Variants in MEIKIN observed in about 807,000 individuals in gnomAD.
The protein encoded by MEIKIN is meiotic kinetochore factor.
At chr5:131,813,095 A>C (rs1773026586) in intron 12 of MEIKIN, among the ~76,000 whole-genome samples, 1 of 152,226 alleles carries the variant, frequency 6.6e-6, no homozygotes, top group South Asian at 2.1e-4. Flanking sequence ...CCCTGAAGTC[A>C]TAAGTAAGTA....
chr5:131,850,307 G>A (rs1434774356), intron 11 of MEIKIN, among the ~76,000 whole-genome samples: 2 of 152,104 alleles, frequency 1.3e-5, no homozygotes, highest in Non-Finnish European at 2.9e-5. Context: ...CCCCAATGAT[G>A]TTTATTGCAG....
chr5:131,933,477 T>C (rs764236916), intron 5 of MEIKIN, 36 bp downstream of exon 5: 48 of 396,860 alleles, frequency 1.2e-4, no homozygotes, highest in Middle Eastern at 1.3e-3. Context: ...ATAATTTCTA[T>C]AGTAGAGCAA....
At chr5:131,830,229 T>TAA (rs377310057) in intron 11 of MEIKIN, among the ~76,000 whole-genome samples, 1 of 147,344 alleles carries the variant, frequency 6.8e-6, no homozygotes, top group African/African-American at 2.5e-5. Flanking sequence ...ATCTCTACAA[T>TAA]AAAAAAAAAA....
In MEIKIN at chr5:131,945,418, T is replaced by C; in HGVS notation, c.88A>G (p.Lys30Glu). The C allele has an allele frequency of 2.5e-6, 1 of 399,232 alleles. No individual in the cohort carries two copies. 24.7% of individuals were successfully genotyped at this position (399,232 alleles called of 1,614,324 possible). A position where few individuals can be genotyped will look rare whatever the true frequency, so the allele number is the denominator to read the frequency against. Reference sequence around the variant, plus strand: ...CCTGTACCTGGCGGGGCCTCGGCCTTCGCTGGAGAGCCTAGGTCTGGCGTC... The same window carrying C: ...CCTGTACCTGGCGGGGCCTCGGCCTCCGCTGGAGAGCCTAGGTCTGGCGTC... ...TPTPDLGSPA[K>E]AEAPPGSKRK... Residue 30 changes from lysine (K) to glutamate (E), a missense_variant, in exon 1 of 13, where the codon AAG becomes GAG. Physicochemically the swap from Lys to Glu is moderately conservative, Grantham distance 56 (BLOSUM62 1). Coordinates refer to ENST00000442687, the MANE Select transcript of MEIKIN (RefSeq NM_001303622.2).
At chr5:131,857,971 T>C (rs1232329659) in intron 9 of MEIKIN, among the ~76,000 whole-genome samples, 1 of 152,240 alleles carries the variant, frequency 6.6e-6, no homozygotes, top group Non-Finnish European at 1.5e-5. Flanking sequence ...CCACCACTGC[T>C]GCTGCTGCCA....
chr5:131,819,976 C>T (rs1174621287), intron 11 of MEIKIN, among the ~76,000 whole-genome samples: 2 of 147,822 alleles, frequency 1.4e-5, no homozygotes, highest in Non-Finnish European at 3.0e-5. Context: ...GGGGTTTCAC[C>T]GTTTTAGCCG....
At chr5:131,859,371 A>T (rs760769871) in intron 9 of MEIKIN, among the ~76,000 whole-genome samples, 1 of 152,142 alleles carries the variant, frequency 6.6e-6, no homozygotes, top group Non-Finnish European at 1.5e-5. Flanking sequence ...GAAATCCCCA[A>T]TGATGGAGGT....
intron 8 of MEIKIN, among the ~76,000 whole-genome samples, chr5:131,880,555 T>C (rs569719132): frequency 6.6e-6 from 1 of 152,372 alleles, no homozygotes; most frequent in African/African-American, 2.4e-5. Flanking sequence ...CTTTTCTTTA[T>C]TCTTAGCAAT....
chr5:131,868,682 C>T (rs1750432518), intron 9 of MEIKIN, among the ~76,000 whole-genome samples: 1 of 151,342 alleles, frequency 6.6e-6, no homozygotes, highest in Non-Finnish European at 1.5e-5. Flanking sequence ...ATGCGATCCT[C>T]CCATCTCAGC....
At chr5:131,882,344 A>C (rs1750714071) in intron 8 of MEIKIN, among the ~76,000 whole-genome samples, 1 of 152,198 alleles carries the variant, frequency 6.6e-6, no homozygotes. Flanking sequence ...CCACAGATGC[A>C]CTGGACCCAG....
chr5:131,875,036 C>G (rs544086696), intron 9 of MEIKIN, among the ~76,000 whole-genome samples: 2 of 89,486 alleles, frequency 2.2e-5, no homozygotes, highest in East Asian at 3.9e-4. Context: ...CAGCCAATAT[C>G]ATACTGAATG....
intron 12 of MEIKIN, among the ~76,000 whole-genome samples, chr5:131,817,298 T>C (rs987196559): frequency 6.6e-6 from 1 of 152,040 alleles, no homozygotes; most frequent in African/African-American, 2.4e-5. Context: ...CATAACCACA[T>C]TAGCCAATTT....
intron 4 of MEIKIN, among the ~76,000 whole-genome samples, chr5:131,939,049 G>A (rs886177384): frequency 6.6e-6 from 1 of 152,148 alleles, no homozygotes. Flanking sequence ...TGCATAAGGG[G>A]TCTGGGGATT....
chr5:131,859,786 T>C (rs536252729), intron 9 of MEIKIN, among the ~76,000 whole-genome samples: 3 of 152,202 alleles, frequency 2.0e-5, no homozygotes, highest in South Asian at 4.1e-4. Context: ...TCCAGTTTTC[T>C]GAGCATCGTT....
intron 11 of MEIKIN, among the ~76,000 whole-genome samples, chr5:131,829,016 T>C (rs1055586543): frequency 6.6e-6 from 1 of 151,616 alleles, no homozygotes; most frequent in Admixed American, 6.6e-5. Flanking sequence ...AAAAAGTCAA[T>C]AAAAATAAAA....
chr5:131,877,742 A>T (rs1198798800), intron 9 of MEIKIN, among the ~76,000 whole-genome samples: 1 of 152,204 alleles, frequency 6.6e-6, no homozygotes. Context: ...GTTGGAAAAA[A>T]TGTAAAGCAC....
At chr5:131,891,706 C>T (rs4288108) in intron 8 of MEIKIN, among the ~76,000 whole-genome samples, 16,527 of 152,120 alleles carry the variant, frequency 0.11, 2,157 homozygotes, top group African/African-American at 0.32. Flanking sequence ...GAGCATTTAG[C>T]CCATTTACAT....
chr5:131,938,750 C>T (rs1356728431), intron 4 of MEIKIN, among the ~76,000 whole-genome samples: 1 of 152,044 alleles, frequency 6.6e-6, no homozygotes. Flanking sequence ...GAAACTGTGG[C>T]TTTTTAAAAG....
intron 11 of MEIKIN, among the ~76,000 whole-genome samples, chr5:131,830,607 A>C (rs1487800175): frequency 1.3e-5 from 2 of 152,356 alleles, no homozygotes; most frequent in African/African-American, 4.8e-5. Flanking sequence ...AGAAGTAAGC[A>C]AGTGACCCAG....
Sources: gnomAD v4.1 joint callset for allele counts (sites outside exome capture counted in the v4.1 genomes callset) on GRCh38, gnomAD v4.1.1 for gene constraint, MANE v1.5 for transcripts, NCBI Gene and HGNC (gene_info 2026-07-23, HGNC 2026-07-21) for gene names.